C1orf21: variants seen among roughly 807,000 people sequenced by gnomAD.
The protein encoded by C1orf21 is chromosome 1 open reading frame 21.
Under a neutral mutation model 18.7 loss-of-function variants are expected in C1orf21, and 3 were observed. That is an observed-to-expected ratio of 0.16 (90% CI 0.07 to 0.42). The LOEUF is 0.42. Among genes scored for constraint, C1orf21 ranks in the 10% least tolerant of loss-of-function variants. The pLI, the probability that C1orf21 is intolerant of heterozygous loss-of-function variation, is 0.99. For synonymous variants in C1orf21, 41 were observed against 46.4 expected, an observed-to-expected ratio of 0.88 and a Z score of 0.47; for missense variants, 104 against 143.6, an observed-to-expected ratio of 0.72 and a Z score of 1.41.
At chr1:184,591,915 A>G (rs1316779700) in intron 4 of C1orf21, among the ~76,000 whole-genome samples, 2 of 152,214 alleles carry the variant, frequency 1.3e-5, no homozygotes, top group Non-Finnish European at 2.9e-5. Context: ...ACATATCATG[A>G]TGGAGGAATC....
chr1:184,519,151 G>A (rs1658270758), intron 3 of C1orf21, among the ~76,000 whole-genome samples: 1 of 152,140 alleles, frequency 6.6e-6, no homozygotes, highest in Non-Finnish European at 1.5e-5. Context: ...AAAGATTGGG[G>A]TGTTGATAAT....
rs539910545 is a variant in C1orf21, at chr1:184,484,243, G to T, written c.94+6640G>T. Reference sequence around the variant, plus strand: ...TTTTGTACTCTGTTCCTTCATGATCGCCTTCTTCAGTCAACTGAGCAAGGC... The same window carrying T: ...TTTTGTACTCTGTTCCTTCATGATCTCCTTCTTCAGTCAACTGAGCAAGGC... On this transcript the variant is annotated intron_variant, in intron 2 of 5. Transcript: ENST00000235307. 1.1e-4 allele frequency among the ~76,000 whole-genome samples: 16 copies of T among 152,058 alleles called. No individual in the cohort carries two copies. The South Asian group carries it at 3.1e-3, about 30-fold the overall frequency.
At chr1:184,514,147 A>C (rs916942917) in intron 3 of C1orf21, among the ~76,000 whole-genome samples, 2 of 152,106 alleles carry the variant, frequency 1.3e-5, no homozygotes, top group Non-Finnish European at 2.9e-5. Flanking sequence ...AATAAAAGTA[A>C]AAATAGAATT....
At chr1:184,451,200 T>C (rs1657114901) in intron 1 of C1orf21, among the ~76,000 whole-genome samples, 1 of 152,184 alleles carries the variant, frequency 6.6e-6, no homozygotes, top group Non-Finnish European at 1.5e-5. Context: ...TTTAAGCCTA[T>C]GATTTTTTTA....
At chr1:184,432,666 A>G (rs556127840) in intron 1 of C1orf21, among the ~76,000 whole-genome samples, 2 of 128,748 alleles carry the variant, frequency 1.6e-5, no homozygotes, top group Admixed American at 7.1e-5. Context: ...TTAAAGTATT[A>G]AAAAAAAAGA....
intron 2 of C1orf21, among the ~76,000 whole-genome samples, chr1:184,484,050 A>G (rs946841969): frequency 6.6e-6 from 1 of 151,788 alleles, no homozygotes; most frequent in Admixed American, 6.6e-5. Flanking sequence ...CAGCCTCCCA[A>G]GTAGCTGGGA....
At chr1:184,567,538 C>A (rs553237298) in intron 3 of C1orf21, 1 of 520,144 alleles carries the variant, frequency 1.9e-6, no homozygotes, top group Admixed American at 2.0e-5. Context: ...TTGACATCTG[C>A]TGTGGAACCG....
At chr1:184,468,011 T>TGTGTGTGTGA (rs4011656) in intron 1 of C1orf21, among the ~76,000 whole-genome samples, 1 of 137,536 alleles carries the variant, frequency 7.3e-6, no homozygotes, top group Admixed American at 7.9e-5. Flanking sequence ...TGTGTGTGTG[T>TGTGTGTGTGA]GAGAGAGAGA....
intron 3 of C1orf21, among the ~76,000 whole-genome samples, chr1:184,526,549 T>C (rs1658380309): frequency 6.6e-6 from 1 of 152,194 alleles, no homozygotes; most frequent in African/African-American, 2.4e-5. Flanking sequence ...GGTCAGGGAC[T>C]AAGTCATGTT....
At chr1:184,410,639 A>ATTATATATATAT (rs1357074325) in intron 1 of C1orf21, among the ~76,000 whole-genome samples, 1 of 4,000 alleles carries the variant, frequency 2.5e-4, no homozygotes, top group African/African-American at 5.1e-3. Flanking sequence ...ATATATATAT[A>ATTATATATATAT]TATATATATA....
At chr1:184,516,604 T>TA (rs1658232401) in intron 3 of C1orf21, among the ~76,000 whole-genome samples, 1 of 152,194 alleles carries the variant, frequency 6.6e-6, no homozygotes, top group Non-Finnish European at 1.5e-5. Flanking sequence ...AGTCCCATCT[T>TA]ACATGGATGG....
At chr1:184,393,068 A>T (rs947632413) in intron 1 of C1orf21, among the ~76,000 whole-genome samples, 1 of 151,854 alleles carries the variant, frequency 6.6e-6, no homozygotes, top group Non-Finnish European at 1.5e-5. Flanking sequence ...AGCTCAAGCG[A>T]TCCCCCTGCC....
chr1:184,587,864 C>T (rs967982478), intron 3 of C1orf21, among the ~76,000 whole-genome samples: 2 of 152,068 alleles, frequency 1.3e-5, no homozygotes, highest in African/African-American at 4.8e-5. Flanking sequence ...ATCTGCCTGC[C>T]TCAGCCTCCT....
At chr1:184,485,759 G>A (rs934317825) in intron 2 of C1orf21, among the ~76,000 whole-genome samples, 1 of 152,182 alleles carries the variant, frequency 6.6e-6, no homozygotes, top group African/African-American at 2.4e-5. Context: ...GCTGCTTAGT[G>A]ATAGACTTTA....
intron 2 of C1orf21, among the ~76,000 whole-genome samples, chr1:184,478,178 A>C (rs529239544): frequency 6.6e-6 from 1 of 152,314 alleles, no homozygotes; most frequent in East Asian, 1.9e-4. Flanking sequence ...CTAAAAACAG[A>C]AGTCCAAAAG....
intron 1 of C1orf21, among the ~76,000 whole-genome samples, chr1:184,399,949 C>T (rs1229223214): frequency 1.3e-5 from 2 of 152,038 alleles, no homozygotes; most frequent in African/African-American, 2.4e-5. Flanking sequence ...GGTTTTCTTT[C>T]TTCTATTTAA....
At chr1:184,442,804 A>G (rs901061975) in intron 1 of C1orf21, among the ~76,000 whole-genome samples, 1 of 152,158 alleles carries the variant, frequency 6.6e-6, no homozygotes, top group Non-Finnish European at 1.5e-5. Context: ...TATATATATA[A>G]AAAATTCTAA....
intron 1 of C1orf21, among the ~76,000 whole-genome samples, chr1:184,415,408 G>A (rs1265138108): frequency 6.6e-6 from 1 of 152,112 alleles, no homozygotes; most frequent in East Asian, 1.9e-4. Context: ...CAGTTCCTGG[G>A]TTTTACTAAC....
intron 3 of C1orf21, among the ~76,000 whole-genome samples, chr1:184,540,720 C>T (rs936609300): frequency 2.0e-5 from 3 of 152,116 alleles, no homozygotes; most frequent in African/African-American, 4.8e-5. Flanking sequence ...CGTGAGCCAC[C>T]GTGCCCAGCC....
Sources: gnomAD v4.1 joint callset for allele counts (sites outside exome capture counted in the v4.1 genomes callset) on GRCh38, gnomAD v4.1.1 for gene constraint, MANE v1.5 for transcripts, NCBI Gene and HGNC (gene_info 2026-07-23, HGNC 2026-07-21) for gene names.